The following WDR76 variants were observed in gnomAD, a reference collection of about 807,000 sequenced individuals.
The protein encoded by WDR76 is WD repeat domain 76.
WDR76 carries 52 observed loss-of-function variants against 70.2 expected under a neutral mutation model. The observed-to-expected ratio is 0.74, with a 90% CI of 0.59 to 0.93. The LOEUF is 0.93. WDR76 is among the 40% of genes least tolerant of loss of function. The probability of loss-of-function intolerance (pLI) is 0.00; values close to 1 mark genes in which losing one functional copy is unlikely to be tolerated. For synonymous variants in WDR76, 292 were observed against 271.1 expected, an observed-to-expected ratio of 1.08 and a Z score of -0.76; for missense variants, 756 against 760.2, an observed-to-expected ratio of 0.99 and a Z score of 0.07.
chr15:43,856,665 G>C (rs2087931052), intron 9 of WDR76, among the ~76,000 whole-genome samples: 2 of 151,364 alleles, frequency 1.3e-5, no homozygotes, highest in African/African-American at 2.4e-5. Flanking sequence ...AGCAGAATAG[G>C]GTAACTATAG....
At position 43,853,830 on chromosome 15, in the gene WDR76, C is replaced by T. The variant is rs1015887230; in HGVS notation, c.1191+2585C>T. ...CTGAGGCAGGAGAATCGCTTGAACCCGGGAGGTGGAGTTTGCAGTGAGGTG... is the reference window on the plus strand; with the variant it reads ...CTGAGGCAGGAGAATCGCTTGAACCTGGGAGGTGGAGTTTGCAGTGAGGTG... On this transcript the variant is annotated intron_variant, in intron 9 of 12. Coordinates refer to ENST00000263795, the MANE Select transcript of WDR76 (RefSeq NM_024908.4). 1.2e-4 allele frequency among the ~76,000 whole-genome samples: 18 copies of T among 148,142 alleles called. No individual in the cohort carries two copies. The East Asian group carries it at 1.9e-3, about 15-fold the overall frequency.
chr15:43,841,244 C>G (rs1174002290), intron 5 of WDR76, among the ~76,000 whole-genome samples: 1 of 148,996 alleles, frequency 6.7e-6, no homozygotes, highest in Non-Finnish European at 1.5e-5. Context: ...AATCTGTTGC[C>G]CAGGCTGGAG....
intron 2 of WDR76, among the ~76,000 whole-genome samples, chr15:43,830,118 C>G (rs1363420014): frequency 6.6e-6 from 1 of 151,666 alleles, no homozygotes; most frequent in African/African-American, 2.4e-5. Flanking sequence ...CCTCCAACCT[C>G]AGACTCCCAA....
In WDR76 at chr15:43,857,057, A is replaced by G. The variant is rs1204402499; in HGVS notation, c.1303A>G (p.Thr435Ala). Residue 435 changes from threonine (T) to alanine (A), a missense_variant, in exon 10 of 13, where the codon ACA becomes GCA. Coordinates refer to ENST00000263795, the MANE Select transcript of WDR76 (RefSeq NM_024908.4). Reference sequence around the variant, plus strand: ...AAATATGTCACTGGTGGATAGACGGACACCTGGAACTTCTTATGAGAAACT... The same window carrying G: ...AAATATGTCACTGGTGGATAGACGGGCACCTGGAACTTCTTATGAGAAACT... ...DGNMSLVDRRTPGTSYEKLTS... is the reference protein window; with the variant it reads ...DGNMSLVDRRAPGTSYEKLTS... 1 of 1,614,164 alleles carries G rather than the reference A, an allele frequency of 6.2e-7. No homozygotes were observed.
At position 43,866,332 on chromosome 15, in the gene WDR76, T is replaced by C; in HGVS notation, c.1821T>C (p.Ile607=). Residue 607 remains isoleucine, a synonymous_variant, in exon 13 of 13, where the codon ATT becomes ATC. Coordinates refer to ENST00000263795, the MANE Select transcript of WDR76 (RefSeq NM_024908.4). ...ATGCCATGCACCCAACTCGGTATATTTTGGCTGGAGGTAATTCCAGCGGGA... is the reference window on the plus strand; with the variant it reads ...ATGCCATGCACCCAACTCGGTATATCTTGGCTGGAGGTAATTCCAGCGGGA... ...SINAMHPTRY[I]LAGGNSSGKI... The C allele has an allele frequency of 1.9e-6, 3 of 1,614,088 alleles. No homozygotes were observed. The South Asian group carries it at 3.3e-5, about 18-fold the overall frequency.
chr15:43,828,146 G>A lies in WDR76; in HGVS notation c.242G>A (p.Cys81Tyr), dbSNP rs775766730. 16 of 1,614,156 alleles carry A rather than the reference G, an allele frequency of 9.9e-6. No homozygotes were observed. Among genetic ancestry groups the A allele is most frequent in the Non-Finnish European group, 1.4e-5 (16 of 1,180,032 alleles). The change falls in exon 2 of 13, where the codon TGT becomes TAT. Residue 81 changes from cysteine (C) to tyrosine (Y), a missense_variant. Cys to Tyr is a radical substitution (Grantham distance 194). Transcript: ENST00000263795. ...SEKNSNNEVA[C>Y]KKTKIKKTCR... is the part of the protein sequence containing the mutation. ...AAGAATTCTAACAATGAAGTGGCGT[G>A]TAAGAAGACTAAAATAAAGAAAACT...
At chr15:43,846,189 C>A in intron 8 of WDR76, among the ~76,000 whole-genome samples, 1 of 149,034 alleles carries the variant, frequency 6.7e-6, no homozygotes, top group Non-Finnish European at 1.5e-5. Context: ...GAGAGAATAG[C>A]TTTGACAATG....
At chr15:43,832,732 C>T (rs971826419) in intron 2 of WDR76, among the ~76,000 whole-genome samples, 1 of 139,652 alleles carries the variant, frequency 7.2e-6, no homozygotes, top group Non-Finnish European at 1.5e-5. Context: ...CCATTGCACC[C>T]GGCTTGCTTT....
At chr15:43,843,278 C>G (rs988868736) in intron 7 of WDR76, among the ~76,000 whole-genome samples, 3 of 152,100 alleles carry the variant, frequency 2.0e-5, no homozygotes, top group African/African-American at 7.2e-5. Context: ...GCCTTGGACT[C>G]CCAAAGTGCT....
intron 12 of WDR76, among the ~76,000 whole-genome samples, chr15:43,861,815 T>C (rs561048135): frequency 6.6e-6 from 1 of 151,662 alleles, no homozygotes. Flanking sequence ...CATCAACTAC[T>C]TTGAATGTAT....
Position 43,866,276 on chromosome 15 carries a change from G to T in WDR76, c.1765G>T (p.Gly589Ter). Reference sequence around the variant, plus strand: ...AGGAAAGAGGGTGCATTCGTTTGGTGGAGAATACCTTGTCTCTGTGTGTTC... The same window carrying T: ...AGGAAAGAGGGTGCATTCGTTTGGTTGAGAATACCTTGTCTCTGTGTGTTC... ...ETGKRVHSFG[G>*]EYLVSVCSIN... Residue 589 changes from glycine (G) to a stop codon, truncating the protein, a stop_gained, in exon 13 of 13, where the codon GGA (glycine) becomes TGA (stop). Coordinates refer to ENST00000263795, the MANE Select transcript of WDR76 (RefSeq NM_024908.4). LOFTEE classifies it high-confidence loss of function. 3.7e-6 allele frequency: 6 copies of T among 1,614,114 alleles called. No individual in the cohort carries two copies. Among genetic ancestry groups the T allele is most frequent in the Non-Finnish European group, 5.1e-6 (6 of 1,180,030 alleles).
At chr15:43,841,489 C>T (rs1596072526) in intron 5 of WDR76, among the ~76,000 whole-genome samples, 2 of 152,174 alleles carry the variant, frequency 1.3e-5, no homozygotes, top group Middle Eastern at 3.4e-3. Context: ...CCACCGCACC[C>T]GGCCCACGCA....
Position 43,857,100 on chromosome 15 carries a change from G to C in WDR76, c.1346G>C (p.Gly449Ala). Residue 449 changes from glycine to alanine, a missense_variant, in exon 10 of 13, where the codon GGA becomes GCA. Transcript: ENST00000263795. ...GAGAAACTTACCAGTTCTTCTATGG[G>C]AAAAATAAGAACTGTTCATGTCCAC... ...SYEKLTSSSMGKIRTVHVHPV... is the reference protein window; with the variant it reads ...SYEKLTSSSMAKIRTVHVHPV... The C allele has an allele frequency of 6.2e-7, 1 of 1,614,012 alleles. No individual in the cohort carries two copies. The highest frequency in any genetic ancestry group is 8.5e-7 in the Non-Finnish European group (1 of 1,179,980).
At chr15:43,859,634 TGTGA>T (rs1353632518) in intron 11 of WDR76, among the ~76,000 whole-genome samples, 1 of 152,102 alleles carries the variant, frequency 6.6e-6, no homozygotes, top group Non-Finnish European at 1.5e-5. Context: ...TAGCAAAGTC[TGTGA>T]GTATTAACCA....
intron 2 of WDR76, among the ~76,000 whole-genome samples, chr15:43,828,987 C>A (rs1479777438): frequency 6.6e-6 from 1 of 151,746 alleles, no homozygotes; most frequent in African/African-American, 2.4e-5. Flanking sequence ...ACTGCAACCT[C>A]GGCCTCCCAG....
rs559486173 is a variant in WDR76 at position 43,867,192 on chromosome 15, C to G, written c.*800C>G. ...CCCCCTGCCTGTAGGTTAAGTCTTACGTGAAATGCCAAGATAATTGCTGAG... is the reference window on the plus strand; with the variant it reads ...CCCCCTGCCTGTAGGTTAAGTCTTAGGTGAAATGCCAAGATAATTGCTGAG... On this transcript the variant is annotated 3_prime_UTR_variant, in exon 13 of 13. Coordinates refer to ENST00000263795, the MANE Select transcript of WDR76 (RefSeq NM_024908.4). 6 of 152,080 alleles carry G rather than the reference C, an allele frequency of 3.9e-5. No individual in the cohort carries two copies. Among genetic ancestry groups the G allele is most frequent in the Non-Finnish European group, 5.9e-5 (4 of 68,020 alleles). 9.4% of individuals were successfully genotyped at this position (152,080 alleles called of 1,614,324 possible).
chr15:43,861,192 C>A, intron 11 of WDR76, 141 bp from the exon 12 acceptor site: 1 of 746,594 alleles, frequency 1.3e-6, no homozygotes, highest in Non-Finnish European at 2.2e-6. Context: ...GGCCTCTAAA[C>A]CCGGCCTGAT....
chr15:43,841,413 G>T (rs2087724277), intron 5 of WDR76, among the ~76,000 whole-genome samples: 1 of 151,902 alleles, frequency 6.6e-6, no homozygotes, highest in African/African-American at 2.4e-5. Context: ...TAGCCAGGAT[G>T]GTCTCAATCT....
Position 43,857,961 on chromosome 15 carries a change from C to CTT in WDR76, c.1410-690_1410-689dup, listed in dbSNP as rs397854561. On this transcript the variant is annotated intron_variant, in intron 10 of 12. Coordinates refer to ENST00000263795, the MANE Select transcript of WDR76 (RefSeq NM_024908.4). ...TAATAAGAGTATTAGAGGGTTCTGT[C>CTT]TTTTTTTTTTTTTTTTTTTTTGAGA... Among the ~76,000 whole-genome samples the CTT allele has an allele frequency of 4.7e-4, 45 of 95,520 alleles. 1 individual carries two copies. Among genetic ancestry groups the CTT allele is most frequent in the African/African-American group, 8.0e-4 (23 of 28,732 alleles). 62.7% of individuals were successfully genotyped at this position (95,520 alleles called of 152,430 possible).
Sources: gnomAD v4.1 joint callset for allele counts (sites outside exome capture counted in the v4.1 genomes callset) on GRCh38, gnomAD v4.1.1 for gene constraint, MANE v1.5 for transcripts, NCBI Gene and HGNC (gene_info 2026-07-23, HGNC 2026-07-21) for gene names.